SEC22B: variants seen among roughly 807,000 people sequenced by gnomAD.
SEC22B encodes vesicle-trafficking protein SEC22b.
Under a neutral mutation model 31.4 loss-of-function variants are expected in SEC22B, and 10 were observed. The observed-to-expected ratio is 0.32, with a 90% CI of 0.20 to 0.54. SEC22B has a LOEUF of 0.54. SEC22B is among the 20% of genes least tolerant of loss of function. The pLI, the probability that SEC22B is intolerant of heterozygous loss-of-function variation, is 0.94. For synonymous variants in SEC22B, 60 were observed against 95.9 expected (o/e 0.63, Z 2.19); for missense variants, 130 against 263.4 (o/e 0.49, Z 3.50).
At chr1:120,171,242 G>A (rs1286475374) in intron 1 of SEC22B, among the ~76,000 whole-genome samples, 3 of 126,232 alleles carry the variant, frequency 2.4e-5, no homozygotes, top group Non-Finnish European at 4.6e-5. Context: ...CTAAAGGCAG[G>A]TGAGAATCTT....
chr1:120,171,253 A>C (rs1657891653), intron 1 of SEC22B, among the ~76,000 whole-genome samples: 1 of 125,418 alleles, frequency 8.0e-6, no homozygotes, highest in Non-Finnish European at 1.5e-5. Flanking sequence ...TGAGAATCTT[A>C]AAAGGACTAG....
In SEC22B at chr1:120,151,124, G is replaced by C. The variant is rs1553228646; in HGVS notation, c.*5914C>G. On this transcript the variant is annotated 3_prime_UTR_variant, in exon 5 of 5. Transcript: ENST00000578049. ...GGGGCCAAACAACATGCAAACCATA[G>C]CAGCAGGTTTAAAGGTAAAAGGATG... The C allele has an allele frequency of 6.6e-6, 1 of 152,188 alleles. No individual in the cohort carries two copies. The highest frequency in any genetic ancestry group is 1.5e-5 in the Non-Finnish European group (1 of 68,044). The allele number at this position is 152,188 out of a possible 1,614,324, so 9.4% of individuals were successfully genotyped here.
Position 120,151,890 on chromosome 1 carries a change from G to A in SEC22B, c.*5148C>T, listed in dbSNP as rs1657548066. On this transcript the variant is annotated 3_prime_UTR_variant, in exon 5 of 5. Transcript: ENST00000578049. ...TAGTTAGAGGTGAAAGAAGAAAGCA[G>A]AGGAGTCTAATGCAATGCGTGACTT... 6.6e-6 allele frequency: 1 copy of A among 151,898 alleles called. No individual in the cohort carries two copies. Among genetic ancestry groups the A allele is most frequent in the Non-Finnish European group, 1.5e-5 (1 of 67,994 alleles). 9.4% of individuals were successfully genotyped at this position (151,898 alleles called of 1,614,324 possible).
rs1657543033 is a variant in SEC22B at position 120,151,712 on chromosome 1, T to TA, written c.*5325dup. 6.6e-6 allele frequency: 1 copy of TA among 151,542 alleles called. No individual in the cohort carries two copies. The highest frequency in any genetic ancestry group is 1.5e-5 in the Non-Finnish European group (1 of 67,944). 9.4% of individuals were successfully genotyped at this position (151,542 alleles called of 1,614,324 possible). On this transcript the variant is annotated 3_prime_UTR_variant, in exon 5 of 5. Coordinates refer to ENST00000578049, the MANE Select transcript of SEC22B (RefSeq NM_004892.6). The stretch of plus-strand genomic sequence containing the variant: ...ATGGTATTATCATGGTAGTACTGAC[T>TA]AAAAGAGGGACATGTGTAACAAAAT...
intron 3 of SEC22B, among the ~76,000 whole-genome samples, chr1:120,162,637 G>C (rs1337615652): frequency 4.8e-4 from 73 of 152,124 alleles, no homozygotes; most frequent in African/African-American, 1.7e-3. Flanking sequence ...TTAGTAATTA[G>C]TCTTTCTATA....
intron 2 of SEC22B, among the ~76,000 whole-genome samples, chr1:120,163,785 G>A (rs2101129013): frequency 6.6e-6 from 1 of 150,982 alleles, no homozygotes; most frequent in Admixed American, 6.6e-5. Flanking sequence ...CACGTTGGTT[G>A]GCCAGGATGG....
chr1:120,151,982 GGTTTT>G lies in SEC22B; in HGVS notation c.*5051_*5055del, dbSNP rs1657549927. ...GAAATATAAGAAGCAGCACAGGTTT[GGTTTT>G]ATCTTTGAGAACAATGGAGTGGAGG... On this transcript the variant is annotated 3_prime_UTR_variant, in exon 5 of 5. Transcript: ENST00000578049. The G allele has an allele frequency of 6.6e-6, 1 of 152,050 alleles. No homozygotes were observed. The highest frequency in any genetic ancestry group is 2.4e-5 in the African/African-American group (1 of 41,268). The allele number at this position is 152,050 out of a possible 1,614,324, so 9.4% of individuals were successfully genotyped here.
chr1:120,167,670 A>G (rs1483936163), intron 2 of SEC22B, among the ~76,000 whole-genome samples: 1 of 151,866 alleles, frequency 6.6e-6, no homozygotes, highest in Non-Finnish European at 1.5e-5. Flanking sequence ...CTAAGAGAAC[A>G]GTGTTAAAAG....
chr1:120,152,225 CAG>C lies in SEC22B; in HGVS notation c.*4811_*4812del, dbSNP rs1442473356. 1.3e-5 allele frequency: 2 copies of C among 150,408 alleles called. No homozygotes were observed. Among genetic ancestry groups the C allele is most frequent in the African/African-American group, 2.5e-5 (1 of 40,406 alleles). 9.3% of individuals were successfully genotyped at this position (150,408 alleles called of 1,614,324 possible). On this transcript the variant is annotated 3_prime_UTR_variant, in exon 5 of 5. Transcript: ENST00000578049. ...CATTTTTTACAGAGATTTCTTAAAACAGGGGCATATCTTCTTTGGCTAACATA... is the reference window on the plus strand; with the variant it reads ...CATTTTTTACAGAGATTTCTTAAAACGGGCATATCTTCTTTGGCTAACATA...
At position 120,157,931 on chromosome 1, in the gene SEC22B, T is replaced by G. The variant is rs1657655778; in HGVS notation, c.494-739A>C. On this transcript the variant is annotated intron_variant, in intron 4 of 4. Coordinates refer to ENST00000578049, the MANE Select transcript of SEC22B (RefSeq NM_004892.6). Reference sequence around the variant, plus strand: ...GCTTTTTAGTATTTTCTGGCAAGTTTTTTCACCCCCAAGGACATTTGTAAT... The same window carrying G: ...GCTTTTTAGTATTTTCTGGCAAGTTGTTTCACCCCCAAGGACATTTGTAAT... 1.4e-5 allele frequency: 2 copies of G among 143,002 alleles called. 1 individual carries two copies. Among genetic ancestry groups the G allele is most frequent in the African/African-American group, 5.8e-5 (2 of 34,496 alleles). The allele number at this position is 143,002 out of a possible 1,614,324, so 8.9% of individuals were successfully genotyped here. A position where few individuals can be genotyped will look rare whatever the true frequency, so the allele number is the denominator to read the frequency against.
intron 1 of SEC22B, among the ~76,000 whole-genome samples, chr1:120,169,406 A>T (rs1168333845): frequency 1.3e-5 from 2 of 152,202 alleles, no homozygotes; most frequent in Non-Finnish European, 2.9e-5. Flanking sequence ...AACAAAACTA[A>T]ATGTGTGTAC....
chr1:120,172,907 T>C (rs1657911968), intron 1 of SEC22B, among the ~76,000 whole-genome samples: 1 of 141,136 alleles, frequency 7.1e-6, no homozygotes, highest in East Asian at 2.0e-4. Context: ...TGGATCTATA[T>C]ATTACAAAAG....
chr1:120,170,245 TAGAA>T (rs1474767491), intron 1 of SEC22B, among the ~76,000 whole-genome samples: 1 of 142,332 alleles, frequency 7.0e-6, no homozygotes, highest in Non-Finnish European at 1.5e-5. Context: ...TTATTTTACA[TAGAA>T]AGAATAGCCT....
intron 1 of SEC22B, among the ~76,000 whole-genome samples, chr1:120,175,611 T>A (rs1657945243): frequency 6.6e-6 from 1 of 152,258 alleles, no homozygotes. Context: ...GTGCTGTTTT[T>A]AATCAATTCA....
At chr1:120,170,585 G>C (rs1329353114) in intron 1 of SEC22B, among the ~76,000 whole-genome samples, 1 of 151,646 alleles carries the variant, frequency 6.6e-6, no homozygotes, top group African/African-American at 2.4e-5. Flanking sequence ...TTAGTTTGTA[G>C]ATTTATCTTG....
rs1277802061 is a variant in SEC22B, at chr1:120,156,152, G to A, written c.*886C>T. 2.0e-5 allele frequency: 3 copies of A among 152,020 alleles called. No individual in the cohort carries two copies. Among genetic ancestry groups the A allele is most frequent in the Non-Finnish European group, 2.9e-5 (2 of 67,952 alleles). The allele number at this position is 152,020 out of a possible 1,614,324, so 9.4% of individuals were successfully genotyped here. A position where few individuals can be genotyped will look rare whatever the true frequency, so the allele number is the denominator to read the frequency against. ...AGGAAAACAAACAGTGGAGAAAACT[G>A]TGGTAGAGAAAGTAAAGAAGGGGCA... is the stretch of plus-strand genomic sequence containing the variant. On this transcript the variant is annotated 3_prime_UTR_variant, in exon 5 of 5. Coordinates refer to ENST00000578049, the MANE Select transcript of SEC22B (RefSeq NM_004892.6).
intron 2 of SEC22B, among the ~76,000 whole-genome samples, chr1:120,165,095 G>T (rs1329055882): frequency 6.6e-6 from 1 of 151,958 alleles, no homozygotes; most frequent in Admixed American, 6.5e-5. Context: ...TTTTAAATGG[G>T]GTTGTTTTTT....
Position 120,152,642 on chromosome 1 carries a change from A to C in SEC22B, c.*4396T>G, listed in dbSNP as rs1657563391. ...AGAGTAAAAAAGGGAAAACAAAATAACAAAAGCAAAAACTATTTAAAAAGA... is the reference window on the plus strand; with the variant it reads ...AGAGTAAAAAAGGGAAAACAAAATACCAAAAGCAAAAACTATTTAAAAAGA... On this transcript the variant is annotated 3_prime_UTR_variant, in exon 5 of 5. Coordinates refer to ENST00000578049, the MANE Select transcript of SEC22B (RefSeq NM_004892.6). 6.6e-6 allele frequency: 1 copy of C among 150,572 alleles called. No homozygotes were observed. The highest frequency in any genetic ancestry group is 1.5e-5 in the Non-Finnish European group (1 of 67,944). 9.3% of individuals were successfully genotyped at this position (150,572 alleles called of 1,614,324 possible). A position where few individuals can be genotyped will look rare whatever the true frequency, so the allele number is the denominator to read the frequency against.
At position 120,176,456 on chromosome 1, in the gene SEC22B, C is replaced by A; in HGVS notation, c.-75G>T. The A allele has an allele frequency of 7.7e-7, 1 of 1,303,864 alleles. No homozygotes were observed. The highest frequency in any genetic ancestry group is 1.1e-6 in the Non-Finnish European group (1 of 912,612). The allele number at this position is 1,303,864 out of a possible 1,614,324, so 80.8% of individuals were successfully genotyped here. ...GTCCTCACTTCCTCCGCCGCGACAA[C>A]AGTTATACCCTATGTCTCAGTTACC... On this transcript the variant is annotated 5_prime_UTR_variant, in exon 1 of 5. Transcript: ENST00000578049.
Sources: gnomAD v4.1 joint callset for allele counts (sites outside exome capture counted in the v4.1 genomes callset) on GRCh38, gnomAD v4.1.1 for gene constraint, MANE v1.5 for transcripts, NCBI Gene and HGNC (gene_info 2026-07-23, HGNC 2026-07-21) for gene names.